Variants in PIK3R6 observed in about 807,000 individuals in gnomAD.
The protein encoded by PIK3R6 is phosphoinositide 3-kinase regulatory subunit 6.
PIK3R6 carries 91 observed loss-of-function variants against 84.9 expected under a neutral mutation model. That is an observed-to-expected ratio of 1.07 (90% confidence interval 0.90 to 1.28). The LOEUF is 1.28. PIK3R6 is among the 50% of genes most tolerant of loss of function. The probability of loss-of-function intolerance (pLI) is 0.00; values close to 1 mark genes in which losing one functional copy is unlikely to be tolerated. For missense variants in PIK3R6, 996 were observed against 985.1 expected, an observed-to-expected ratio of 1.01 and a Z score of -0.15; for synonymous variants, 416 against 411.4, an observed-to-expected ratio of 1.01 and a Z score of -0.13.
intron 1 of PIK3R6, among the ~76,000 whole-genome samples, chr17:8,864,047 C>A (rs1284899472): frequency 6.6e-6 from 1 of 152,190 alleles, no homozygotes; most frequent in Non-Finnish European, 1.5e-5. Context: ...TGTTGGGAGA[C>A]AATTCTCCAT....
chr17:8,809,600 G>T (rs1210925636), intron 18 of PIK3R6, among the ~76,000 whole-genome samples: 1 of 152,144 alleles, frequency 6.6e-6, no homozygotes, highest in African/African-American at 2.4e-5. Context: ...TTTGAGACTA[G>T]CCTGGGCAAC....
chr17:8,853,842 A>C (rs554031092), intron 1 of PIK3R6, among the ~76,000 whole-genome samples: 6 of 151,952 alleles, frequency 3.9e-5, no homozygotes, highest in Non-Finnish European at 8.8e-5. Context: ...ATGCGCCTGT[A>C]GTCCCAGCTA....
At chr17:8,850,448 C>T (rs2088926572) in intron 1 of PIK3R6, among the ~76,000 whole-genome samples, 1 of 152,200 alleles carries the variant, frequency 6.6e-6, no homozygotes, top group South Asian at 2.1e-4. Flanking sequence ...CCCCCCTCCC[C>T]AGTTCTGCAG....
chr17:8,812,625 T>C (rs1458405804), intron 18 of PIK3R6, among the ~76,000 whole-genome samples: 1 of 152,138 alleles, frequency 6.6e-6, no homozygotes, highest in African/African-American at 2.4e-5. Context: ...TTTAAATACA[T>C]GAGAATTAAA....
intron 7 of PIK3R6, 30 bp from the exon 8 acceptor site, chr17:8,835,486 G>C: frequency 4.6e-6 from 7 of 1,512,454 alleles, no homozygotes; most frequent in Non-Finnish European, 6.3e-6. Flanking sequence ...GGAGAGGTGG[G>C]ATTGATAGTA....
intron 2 of PIK3R6, among the ~76,000 whole-genome samples, chr17:8,840,878 G>A (rs1483294609): frequency 2.0e-5 from 3 of 151,260 alleles, no homozygotes; most frequent in Non-Finnish European, 2.9e-5. Context: ...TCAGCCTCCC[G>A]AGTAGCTGGG....
chr17:8,829,713 C>T lies in PIK3R6; in HGVS notation c.882G>A (p.Glu294=). 4 of 1,552,806 alleles carry T rather than the reference C, an allele frequency of 2.6e-6. No homozygotes were observed. Among genetic ancestry groups the T allele is most frequent in the Non-Finnish European group, 3.5e-6 (4 of 1,147,756 alleles). Reference sequence around the variant, plus strand: ...AGCTCCATGGGCACGTACAGAGCTGCTCCTCACCGGTCCACAAGTGGAAGG... The same window carrying T: ...AGCTCCATGGGCACGTACAGAGCTGTTCCTCACCGGTCCACAAGTGGAAGG... ...YITFHLWTGE[E]QLWKELVLFL... Residue 294 remains glutamate (E), a synonymous_variant, in exon 10 of 20, where the codon GAG becomes GAA. Transcript: ENST00000619866.
At chr17:8,832,848 G>T (rs956345851) in intron 9 of PIK3R6, 41 bp downstream of exon 9, 2 of 1,611,052 alleles carry the variant, frequency 1.2e-6, no homozygotes, top group East Asian at 4.5e-5. Flanking sequence ...AGCTGCCCCC[G>T]CGGGACTCTT....
chr17:8,822,082 G>T (rs1261724850), intron 16 of PIK3R6, 146 bp from the exon 17 acceptor site: 13 of 628,204 alleles, frequency 2.1e-5, no homozygotes, highest in Middle Eastern at 4.5e-4. Context: ...GAGCCAGGGG[G>T]TTTCACTATG....
In PIK3R6 at chr17:8,836,897, G is replaced by A. The variant is rs1213239649; in HGVS notation, c.285C>T (p.Tyr95=). 5.9e-6 allele frequency: 9 copies of A among 1,530,342 alleles called. No individual in the cohort carries two copies. In the Admixed American group the frequency reaches 7.9e-5, roughly 14 times the overall value. 94.8% of individuals were successfully genotyped at this position (1,530,342 alleles called of 1,614,324 possible). ...TKATGITEEL[Y]QRIYAFCTRL... ...TTGTGCAAAAGGCATAGATTCTCTG[G>A]TAGAGCTCTTCTGTGATTCCTGTGG... Residue 95 remains tyrosine (Y), a synonymous_variant, in exon 6 of 20, where the codon TAC becomes TAT. Coordinates refer to ENST00000619866, the MANE Select transcript of PIK3R6 (RefSeq NM_001010855.4).
intron 13 of PIK3R6, among the ~76,000 whole-genome samples, chr17:8,826,341 G>A (rs1467524379): frequency 6.6e-6 from 1 of 152,122 alleles, no homozygotes; most frequent in Non-Finnish European, 1.5e-5. Context: ...TGTTTATTGT[G>A]GCACTATTTA....
At position 8,839,090 on chromosome 17, in the gene PIK3R6, G is replaced by C. The variant is rs2088585810; in HGVS notation, c.98-435C>G. Among the ~76,000 whole-genome samples, 1 of 152,194 alleles carries C rather than the reference G, an allele frequency of 6.6e-6. No homozygotes were observed. Among genetic ancestry groups the C allele is most frequent in the African/African-American group, 2.4e-5 (1 of 41,464 alleles). On this transcript the variant is annotated intron_variant, in intron 3 of 19. Coordinates refer to ENST00000619866, the MANE Select transcript of PIK3R6 (RefSeq NM_001010855.4). This position sits in a 1 kb window ranked among gnomAD's most constrained non-coding sequence, Gnocchi z 4.2. The stretch of plus-strand genomic sequence containing the variant: ...AGGCCGGGTGCCGTGGCTCATGCCT[G>C]CAATCCCAGCACTTTGGGAGGCTGA...
At chr17:8,835,127 T>C (rs1367786396) in intron 8 of PIK3R6, 146 bp downstream of exon 8, 6 of 958,154 alleles carry the variant, frequency 6.3e-6, no homozygotes, top group Non-Finnish European at 8.8e-6. Context: ...TGTGAGCCAC[T>C]GCGCCCAGCC....
rs1048282298 is a variant in PIK3R6, at chr17:8,844,651, C to T, written c.14-4954G>A. 6.6e-6 allele frequency among the ~76,000 whole-genome samples: 1 copy of T among 151,848 alleles called. No individual in the cohort carries two copies. Among genetic ancestry groups the T allele is most frequent in the East Asian group, 1.9e-4 (1 of 5,180 alleles). ...ATTTTTTTAACTTTTATTTTAGGTT[C>T]AGGAGGTACATGTGCAGGTTTGTTA... On this transcript the variant is annotated intron_variant, in intron 2 of 19. Transcript: ENST00000619866. This position sits in a 1 kb window ranked among gnomAD's most constrained non-coding sequence, Gnocchi z 4.5.
intron 2 of PIK3R6, among the ~76,000 whole-genome samples, chr17:8,845,284 T>C (rs1164732715): frequency 6.6e-6 from 1 of 152,224 alleles, no homozygotes; most frequent in Non-Finnish European, 1.5e-5. Flanking sequence ...GTTTACATTC[T>C]CACCAACAGT....
At chr17:8,863,038 T>C (rs974185235) in intron 1 of PIK3R6, among the ~76,000 whole-genome samples, 16 of 152,210 alleles carry the variant, frequency 1.1e-4, no homozygotes, top group Non-Finnish European at 2.1e-4. Flanking sequence ...TCAGAAAGTT[T>C]GCACTCTAGT....
At chr17:8,833,761 C>T (rs1346592837) in intron 8 of PIK3R6, among the ~76,000 whole-genome samples, 3 of 151,814 alleles carry the variant, frequency 2.0e-5, no homozygotes, top group Non-Finnish European at 4.4e-5. Flanking sequence ...AGGACGGTCT[C>T]GATCTCCTGA....
rs58570891 is a variant in PIK3R6 at position 8,862,539 on chromosome 17, A to G, written c.-92+4990T>C. Among the ~76,000 whole-genome samples, 2,280 of 152,216 alleles carry G rather than the reference A, an allele frequency of 0.015. 67 individuals carry two copies. The highest frequency in any genetic ancestry group is 0.05 in the African/African-American group (2,095 of 41,526). The stretch of plus-strand genomic sequence containing the variant: ...GTGAGAAGGACATTGTGCCTCACTG[A>G]CCTGGCAGCTACCTCTGTCACCTGG... On this transcript the variant is annotated intron_variant, in intron 1 of 19. Coordinates refer to ENST00000619866, the MANE Select transcript of PIK3R6 (RefSeq NM_001010855.4). The surrounding 1 kb of genome is among the most constrained non-coding windows in gnomAD (Gnocchi z 4.3).
chr17:8,828,253 TCTG>T, intron 11 of PIK3R6, 63 bp from the exon 12 acceptor site: 2 of 1,523,604 alleles, frequency 1.3e-6, no homozygotes, highest in Non-Finnish European at 1.8e-6. Flanking sequence ...CAGACTCGGC[TCTG>T]CTATTTGTTA....
Sources: gnomAD v4.1 joint callset for allele counts (sites outside exome capture counted in the v4.1 genomes callset) on GRCh38, gnomAD v4.1.1 for gene constraint, Gnocchi (gnomAD v3.1) non-coding constraint, MANE v1.5 for transcripts, NCBI Gene and HGNC (gene_info 2026-07-23, HGNC 2026-07-21) for gene names.